Variants in USP9X observed in about 807,000 individuals in gnomAD.
The protein encoded by USP9X is ubiquitin carboxyl-terminal hydrolase 9X.
A neutral mutation model predicts 190.3 loss-of-function variants in USP9X; 7 were observed. The observed-to-expected ratio is 0.04, with a 90% confidence interval of 0.02 to 0.07. The LOEUF is 0.07. Among genes scored for constraint, USP9X ranks in the 10% least tolerant of loss-of-function variants. The probability of loss-of-function intolerance (pLI) is 1.00; values close to 1 mark genes in which losing one functional copy is unlikely to be tolerated. For missense variants in USP9X, 1,010 were observed against 1,916.9 expected (o/e 0.53, Z 8.83); for synonymous variants, 645 against 659.5 (o/e 0.98, Z 0.34).
At chrX:41,153,599 T>A (rs779698050) in intron 14 of USP9X, among the ~76,000 whole-genome samples, 1 of 112,090 alleles carries the variant, frequency 8.9e-6, no homozygotes, top group South Asian at 3.7e-4. Flanking sequence ...TAGGATAAAG[T>A]TTCCTGTGAT....
intron 2 of USP9X, among the ~76,000 whole-genome samples, chrX:41,124,433 G>T (rs1250463841): frequency 9.0e-6 from 1 of 111,694 alleles, no homozygotes; most frequent in Non-Finnish European, 1.9e-5. Context: ...GACAGAGCAA[G>T]ACTCCATCTC....
chrX:41,135,515 T>G (rs2062364412), intron 5 of USP9X, among the ~76,000 whole-genome samples: 1 of 111,682 alleles, frequency 9.0e-6, no homozygotes, highest in South Asian at 3.8e-4. Context: ...AACAGTAATG[T>G]ATTGTTCATT....
chrX:41,220,775 G>A (rs902905296), intron 38 of USP9X, among the ~76,000 whole-genome samples: 2 of 107,748 alleles, frequency 1.9e-5, no homozygotes, highest in Non-Finnish European at 3.8e-5. Context: ...CAAACATGGC[G>A]AAACCCCATC....
At chrX:41,220,900 C>T (rs368314816) in intron 38 of USP9X, among the ~76,000 whole-genome samples, 2 of 104,009 alleles carry the variant, frequency 1.9e-5, no homozygotes, top group South Asian at 9.1e-4. Context: ...GCCAAGATCG[C>T]GCCACTGCAC....
rs968193866 is a variant in USP9X at position 41,189,313 on chromosome X, A to G, written c.3815A>G (p.Asn1272Ser). 1.1e-5 allele frequency: 13 copies of G among 1,205,631 alleles called. No individual in the cohort carries two copies. Among genetic ancestry groups the G allele is most frequent in the African/African-American group, 5.3e-5 (3 of 57,058 alleles). The change falls in exon 26 of 45, where the codon AAT (asparagine) becomes AGT (serine). Residue 1272 changes from asparagine (N) to serine (S), a missense_variant. By Grantham distance (46) the Asn-to-Ser change is conservative (BLOSUM62 1). This residue lies in a region of USP9X where 351 missense variants were observed against 480.8 expected (regional missense o/e 0.73). Transcript: ENST00000378308. ...TTCTTGATTGTAATTTTACAGACCA[A>G]TGCAGGCAATGAGCCAGACTTGGAA... ...EEITKIYEKT[N>S]AGNEPDLEDE... is the part of the protein sequence containing the mutation.
At chrX:41,216,778 C>T in intron 35 of USP9X, 126 bp downstream of exon 35, 1 of 822,782 alleles carries the variant, frequency 1.2e-6, no homozygotes, top group Non-Finnish European at 1.7e-6. Context: ...TGTGGTGGTT[C>T]ACGCCTGTAA....
chrX:41,099,108 T>TTTTGTTTTTTTG lies in USP9X; in HGVS notation c.-159+13002_-159+13003insGTTTTTTTGTTT, dbSNP rs1281856482. ...TGCCCAGATAATTGTTTTTTTTTTT[T>TTTTGTTTTTTTG]TTTTTTTTTTTTTTAAACAGAGATG... On this transcript the variant is annotated intron_variant, in intron 1 of 44. Transcript: ENST00000378308. Among the ~76,000 whole-genome samples the TTTTGTTTTTTTG allele has an allele frequency of 1.6e-3, 142 of 89,611 alleles. 3 individuals are homozygous for TTTTGTTTTTTTG. The highest frequency in any genetic ancestry group is 5.7e-3 in the African/African-American group (133 of 23,349). The allele number at this position is 89,611 out of a possible 115,157, so 77.8% of individuals were successfully genotyped here.
At chrX:41,146,872 C>A (rs1295026799) in intron 11 of USP9X, among the ~76,000 whole-genome samples, 3 of 109,647 alleles carry the variant, frequency 2.7e-5, no homozygotes, top group Non-Finnish European at 5.7e-5. Context: ...CTTAATTTCT[C>A]CTTTTCATGT....
intron 14 of USP9X, among the ~76,000 whole-genome samples, chrX:41,159,878 G>A (rs1376962241): frequency 9.0e-6 from 1 of 111,284 alleles, no homozygotes; most frequent in Non-Finnish European, 1.9e-5. Flanking sequence ...AACAAAGGGA[G>A]AGGGTGGTTT....
chrX:41,159,937 A>T (rs998696710), intron 14 of USP9X, among the ~76,000 whole-genome samples: 5 of 111,328 alleles, frequency 4.5e-5, no homozygotes, highest in African/African-American at 1.6e-4. Flanking sequence ...TTAGATTGTG[A>T]TGATGATTAT....
intron 3 of USP9X, among the ~76,000 whole-genome samples, chrX:41,130,289 T>C (rs1420014497): frequency 9.0e-6 from 1 of 110,580 alleles, no homozygotes; most frequent in Non-Finnish European, 1.9e-5. Context: ...TTATATTTAA[T>C]AGTGGTCCCT....
At chrX:41,156,713 CATAGA>C (rs2062582347) in intron 14 of USP9X, among the ~76,000 whole-genome samples, 1 of 111,878 alleles carries the variant, frequency 8.9e-6, no homozygotes, top group South Asian at 3.7e-4. Context: ...TGAACAGTAA[CATAGA>C]TGTTCTGTCC....
chrX:41,208,269 C>T (rs914904161), intron 32 of USP9X, among the ~76,000 whole-genome samples: 1 of 112,124 alleles, frequency 8.9e-6, no homozygotes, highest in African/African-American at 3.2e-5. Context: ...AGGTGATCCA[C>T]CCGCCTCAGC....
intron 1 of USP9X, among the ~76,000 whole-genome samples, chrX:41,100,998 A>G (rs1012575164): frequency 9.0e-6 from 1 of 111,273 alleles, no homozygotes; most frequent in Non-Finnish European, 1.9e-5. Context: ...TTTATATGTG[A>G]TATTCTATCA....
intron 26 of USP9X, among the ~76,000 whole-genome samples, chrX:41,195,046 C>CT (rs931341447): frequency 4.8e-5 from 5 of 104,684 alleles, no homozygotes; most frequent in East Asian, 6.2e-4. Context: ...TTTTTTCTTT[C>CT]TTTTTTTTGG....
At chrX:41,199,381 C>T (rs938179827) in intron 30 of USP9X, among the ~76,000 whole-genome samples, 2 of 111,186 alleles carry the variant, frequency 1.8e-5, no homozygotes, top group African/African-American at 3.3e-5. Context: ...AAGTAAATGC[C>T]GTAGAGTATA....
chrX:41,134,371 G>T (rs1419369362), intron 4 of USP9X, among the ~76,000 whole-genome samples: 1 of 112,187 alleles, frequency 8.9e-6, no homozygotes, highest in African/African-American at 3.2e-5. Flanking sequence ...ATCAAACACA[G>T]AATAGTATAA....
Position 41,131,437 on chromosome X carries a change from T to C in USP9X, c.243-20T>C, listed in dbSNP as rs1311083812. The C allele has an allele frequency of 5.8e-6, 7 of 1,198,625 alleles. No homozygotes were observed. The Admixed American group carries it at 1.5e-4, about 26-fold the overall frequency. On this transcript the variant is annotated intron_variant, in intron 3 of 44. Coordinates refer to ENST00000378308, the MANE Select transcript of USP9X (RefSeq NM_001039591.3). ...TAGTGTACAACCATTAAGCATGTTT[T>C]TGTTTGGTAAAACTTTTAGGCCTCG...
chrX:41,211,049 T>C (rs2063153191), intron 33 of USP9X, among the ~76,000 whole-genome samples: 1 of 110,631 alleles, frequency 9.0e-6, no homozygotes. Flanking sequence ...TGGAGTTCAG[T>C]GGCATGGTCG....
Sources: gnomAD v4.1 joint callset for allele counts (sites outside exome capture counted in the v4.1 genomes callset) on GRCh38, gnomAD v4.1.1 for gene constraint, gnomAD v4.1.1 regional missense constraint, MANE v1.5 for transcripts, NCBI Gene and HGNC (gene_info 2026-07-23, HGNC 2026-07-21) for gene names.